Variants in TGFBR3 observed in about 807,000 individuals in gnomAD.
TGFBR3 encodes the protein transforming growth factor beta receptor type 3.
A neutral mutation model predicts 87.9 loss-of-function variants in TGFBR3; 46 were observed. The observed-to-expected ratio is 0.52, with a 90% CI of 0.41 to 0.67. The LOEUF (loss-of-function observed/expected upper bound fraction) is 0.67, where lower values mean the gene tolerates loss of function less well. TGFBR3 is among the 30% of genes least tolerant of loss of function. The pLI, the probability that TGFBR3 is intolerant of heterozygous loss-of-function variation, is 0.00. For missense variants in TGFBR3, 866 were observed against 1,041.9 expected, an observed-to-expected ratio of 0.83 and a Z score of 2.32; for synonymous variants, 381 against 391.6, an observed-to-expected ratio of 0.97 and a Z score of 0.32.
At chr1:91,887,721 T>G (rs532669522), upstream of TGFBR3, among the ~76,000 whole-genome samples, 5 of 152,322 alleles carry the variant, frequency 3.3e-5, no homozygotes, top group South Asian at 1.0e-3. Flanking sequence ...TGGAGATTCA[T>G]TCACAAAGGT....
intron 4 of TGFBR3, among the ~76,000 whole-genome samples, chr1:91,735,555 T>C (rs17880566): frequency 6.6e-6 from 1 of 152,220 alleles, no homozygotes; most frequent in Admixed American, 6.5e-5. Flanking sequence ...GAGATGAATG[T>C]TTGTAACAGT....
chr1:91,777,855 A>G (rs1018425591), intron 3 of TGFBR3, among the ~76,000 whole-genome samples: 2 of 152,138 alleles, frequency 1.3e-5, no homozygotes, highest in Non-Finnish European at 2.9e-5. Context: ...ACCGGTGCCC[A>G]GTTCACAAAG....
chr1:91,695,366 A>G (rs111946255), intron 16 of TGFBR3: 2 of 374,646 alleles, frequency 5.3e-6, no homozygotes, highest in East Asian at 1.3e-4. Flanking sequence ...TTTTGACGGA[A>G]TGGTTTGTAT....
chr1:91,797,152 T>A, intron 3 of TGFBR3, 135 bp downstream of exon 3: 1 of 1,025,862 alleles, frequency 9.7e-7, no homozygotes, highest in Non-Finnish European at 1.5e-6. Flanking sequence ...GCAGCTGGTA[T>A]TTTAAATCTG....
intron 11 of TGFBR3, 40 bp from the exon 12 acceptor site, chr1:91,716,434 A>G: frequency 1.2e-6 from 2 of 1,614,136 alleles, no homozygotes; most frequent in Non-Finnish European, 8.5e-7. Flanking sequence ...TGACAGTCAT[A>G]TGAAGGATGA....
intron 2 of TGFBR3, among the ~76,000 whole-genome samples, chr1:91,852,854 G>A (rs1047914689): frequency 6.6e-6 from 1 of 151,992 alleles, no homozygotes; most frequent in South Asian, 2.1e-4. Flanking sequence ...CACAAAACTG[G>A]TTAAAATAAC....
At chr1:91,780,333 A>G (rs761309022) in intron 3 of TGFBR3, among the ~76,000 whole-genome samples, 5 of 152,134 alleles carry the variant, frequency 3.3e-5, no homozygotes, top group African/African-American at 4.8e-5. Context: ...TAACTCTCTC[A>G]ATTCTGTAAC....
intron 1 of TGFBR3, among the ~76,000 whole-genome samples, chr1:91,874,375 G>A (rs973520420): frequency 1.3e-5 from 2 of 152,188 alleles, no homozygotes; most frequent in African/African-American, 4.8e-5. Context: ...AGCAGATTGA[G>A]CAGCCTAGAG....
chr1:91,699,042 T>G (rs555982928), intron 14 of TGFBR3, among the ~76,000 whole-genome samples: 4 of 151,890 alleles, frequency 2.6e-5, no homozygotes, highest in African/African-American at 7.3e-5. Context: ...CTAAACCCCT[T>G]GATGACTCTC....
chr1:91,852,179 G>A (rs763150634), intron 2 of TGFBR3, among the ~76,000 whole-genome samples: 1 of 152,108 alleles, frequency 6.6e-6, no homozygotes, highest in Admixed American at 6.5e-5. Context: ...AGCCCAGGAG[G>A]CCAAGGCTGC....
intron 2 of TGFBR3, among the ~76,000 whole-genome samples, chr1:91,898,494 T>C (rs987915693): frequency 6.6e-6 from 1 of 152,202 alleles, no homozygotes; most frequent in South Asian, 2.1e-4. Flanking sequence ...TGGAGTGCAG[T>C]GGCGCGATCT....
At chr1:91,868,061 G>T (rs1166219510) in intron 1 of TGFBR3, among the ~76,000 whole-genome samples, 2 of 152,180 alleles carry the variant, frequency 1.3e-5, no homozygotes, top group Non-Finnish European at 2.9e-5. Context: ...AGGATTACAG[G>T]CATGTGCCAC....
rs1284396903 is a variant in TGFBR3 at position 91,826,740 on chromosome 1, C to A, written c.62-29269G>T. 2.4e-4 allele frequency among the ~76,000 whole-genome samples: 6 copies of A among 25,060 alleles called. No homozygotes were observed. In the East Asian group the frequency reaches 6.9e-3, roughly 29 times the overall value. The allele number at this position is 25,060 out of a possible 152,430, so 16.4% of individuals were successfully genotyped here. On this transcript the variant is annotated intron_variant, in intron 2 of 16. Coordinates refer to ENST00000212355, the MANE Select transcript of TGFBR3 (RefSeq NM_003243.5). ...TCATATTCCCATTTTCTCCCATCCA[C>A]TATTAAAAAAAAAAAAAAGGCCTGG... is the stretch of plus-strand genomic sequence containing the variant.
At chr1:91,694,924 C>T (rs1671378777) in intron 16 of TGFBR3, among the ~76,000 whole-genome samples, 1 of 152,146 alleles carries the variant, frequency 6.6e-6, no homozygotes, top group South Asian at 2.1e-4. Context: ...AATAGCAGGA[C>T]AATCCATTTG....
Position 91,698,088 on chromosome 1 carries a change from C to A in TGFBR3, c.2329+1G>T, listed in dbSNP as rs747740059. ...TTCGAAATAGTTGCATAAAGACTTA[C>A]GTGGAGAAATTGGATTTGGTTCCTT... On this transcript the variant is annotated splice_donor_variant, in intron 15 of 16. Transcript: ENST00000212355. LOFTEE classifies it high-confidence loss of function. The A allele has an allele frequency of 6.2e-7, 1 of 1,613,718 alleles. No individual in the cohort carries two copies. The highest frequency in any genetic ancestry group is 8.5e-7 in the Non-Finnish European group (1 of 1,179,682).
At chr1:91,903,502 G>A (rs1679777648) in intron 1 of TGFBR3, among the ~76,000 whole-genome samples, 1 of 151,882 alleles carries the variant, frequency 6.6e-6, no homozygotes, top group South Asian at 2.1e-4. Flanking sequence ...CTCAGCACTG[G>A]GAAGTCAAAG....
At chr1:91,789,839 C>T (rs1675121957) in intron 3 of TGFBR3, among the ~76,000 whole-genome samples, 1 of 152,160 alleles carries the variant, frequency 6.6e-6, no homozygotes, top group Non-Finnish European at 1.5e-5. Flanking sequence ...AACCCTGCTC[C>T]CCTTTCCAGG....
Position 91,749,084 on chromosome 1 carries a change from G to A in TGFBR3, c.384+9529C>T, listed in dbSNP as rs1673445882. Among the ~76,000 whole-genome samples the A allele has an allele frequency of 2.0e-5, 3 of 152,248 alleles. 1 individual carries two copies. The South Asian group carries it at 6.2e-4, about 32-fold the overall frequency. ...CATTCCTCACTATGGCAGGACCATA[G>A]CCTTCTTATACAAACTGCAAGAAAA... On this transcript the variant is annotated intron_variant, in intron 4 of 16. Transcript: ENST00000212355.
At chr1:91,843,045 T>C (rs532724291) in intron 2 of TGFBR3, among the ~76,000 whole-genome samples, 7 of 152,322 alleles carry the variant, frequency 4.6e-5, no homozygotes, top group Non-Finnish European at 1.0e-4. Context: ...ATAAAGTCTG[T>C]TTAACAGCAA....
Sources: gnomAD v4.1 joint callset for allele counts (sites outside exome capture counted in the v4.1 genomes callset) on GRCh38, gnomAD v4.1.1 for gene constraint, MANE v1.5 for transcripts, NCBI Gene and HGNC (gene_info 2026-07-23, HGNC 2026-07-21) for gene names.